The following NAPG variants were observed in gnomAD, a reference collection of about 807,000 sequenced individuals.
NAPG encodes gamma-soluble NSF attachment protein.
NAPG carries 25 observed loss-of-function variants against 48.4 expected under a neutral mutation model. That is an observed-to-expected ratio of 0.52 (90% CI 0.38 to 0.72). The LOEUF (loss-of-function observed/expected upper bound fraction) is 0.72. NAPG is among the 30% of genes least tolerant of loss of function. The pLI, the probability that NAPG is intolerant of heterozygous loss-of-function variation, is 0.00. For synonymous variants in NAPG, 139 were observed against 127.2 expected (o/e 1.09, Z -0.62); for missense variants, 359 against 372.5 (o/e 0.96, Z 0.30).
At chr18:10,540,212 A>G in intron 7 of NAPG, 117 bp from the exon 8 acceptor site, 1 of 1,050,256 alleles carries the variant, frequency 9.5e-7, no homozygotes, top group Non-Finnish European at 1.4e-6. Flanking sequence ...ATGAACTAGC[A>G]GCTTTCGTGT....
intron 11 of NAPG, 73 bp from the exon 12 acceptor site, chr18:10,550,004 C>T: frequency 7.0e-7 from 1 of 1,429,748 alleles, no homozygotes; most frequent in East Asian, 2.7e-5. Flanking sequence ...CAGGCTGTGT[C>T]TTTTTAGAGC....
intron 5 of NAPG, among the ~76,000 whole-genome samples, chr18:10,537,268 G>A (rs2032054509): frequency 6.6e-6 from 1 of 152,080 alleles, no homozygotes; most frequent in African/African-American, 2.4e-5. Flanking sequence ...CTGACTGGAA[G>A]TCTTATAAAT....
At position 10,533,643 on chromosome 18, in the gene NAPG, A is replaced by G. The variant is rs1176588197; in HGVS notation, c.227+90A>G. ...GGTTGGTAATTTTTTCCCAAATTATAAATTTTGTATTGATTTAAATAATAA... is the reference window on the plus strand; with the variant it reads ...GGTTGGTAATTTTTTCCCAAATTATGAATTTTGTATTGATTTAAATAATAA... On this transcript the variant is annotated intron_variant, in intron 4 of 11. Coordinates refer to ENST00000322897, the MANE Select transcript of NAPG (RefSeq NM_003826.3). The G allele has an allele frequency of 3.6e-6, 4 of 1,108,722 alleles. No homozygotes were observed. In the African/African-American group the frequency reaches 6.4e-5, roughly 18 times the overall value. 68.7% of individuals were successfully genotyped at this position (1,108,722 alleles called of 1,614,324 possible).
intron 3 of NAPG, 86 bp from the exon 4 acceptor site, chr18:10,533,450 A>G: frequency 1.6e-6 from 2 of 1,215,302 alleles, no homozygotes; most frequent in South Asian, 1.4e-5. Flanking sequence ...TCAGTGATTT[A>G]GTTAACTGTC....
chr18:10,531,626 G>GT (rs756701609), intron 2 of NAPG, among the ~76,000 whole-genome samples: 2 of 152,086 alleles, frequency 1.3e-5, no homozygotes, highest in Admixed American at 6.5e-5. Flanking sequence ...AGTAAATTCT[G>GT]TTTTTTTGCA....
intron 1 of NAPG, among the ~76,000 whole-genome samples, chr18:10,528,779 C>T (rs905404093): frequency 1.3e-5 from 2 of 151,308 alleles, no homozygotes; most frequent in Non-Finnish European, 2.9e-5. Context: ...GGAGGTGGGG[C>T]GGGGAGGTGT....
At chr18:10,549,755 A>G (rs541492281) in intron 11 of NAPG, among the ~76,000 whole-genome samples, 1 of 152,242 alleles carries the variant, frequency 6.6e-6, no homozygotes, top group Non-Finnish European at 1.5e-5. Flanking sequence ...AGATCAACTT[A>G]AGGCCTTCAG....
At chr18:10,541,975 A>G (rs1285105689) in intron 8 of NAPG, among the ~76,000 whole-genome samples, 3 of 152,252 alleles carry the variant, frequency 2.0e-5, no homozygotes, top group African/African-American at 4.8e-5. Flanking sequence ...CTGCCTGTGC[A>G]TATTCCTTTA....
rs1242414224 is a variant in NAPG at position 10,534,488 on chromosome 18, A to G, written c.250A>G (p.Met84Val). 2 of 1,613,166 alleles carry G rather than the reference A, an allele frequency of 1.2e-6. No individual in the cohort carries two copies. The highest frequency in any genetic ancestry group is 1.7e-5 in the Admixed American group (1 of 60,012). ...CAGAGCTTATGAGCAAGCTGGAATG[A>G]TGTTGAAGGTCAGTAATGTTATGTC... ...AAKAYEQAGMMLKEMQKLPEA... is the reference protein window; with the variant it reads ...AAKAYEQAGMVLKEMQKLPEA... The change falls in exon 5 of 12, where the codon ATG (methionine) becomes GTG (valine). Residue 84 changes from methionine (M) to valine (V), a missense_variant. By Grantham distance (21) the Met-to-Val change is conservative. Transcript: ENST00000322897. The surrounding 1 kb of genome is among the most constrained non-coding windows in gnomAD (Gnocchi z 5.0).
chr18:10,535,916 G>T (rs546966), intron 5 of NAPG, among the ~76,000 whole-genome samples: 48,718 of 152,056 alleles, frequency 0.32, 8,001 homozygotes, highest in East Asian at 0.43. Context: ...CAGTTCCTTT[G>T]AAACCATAGA....
intron 9 of NAPG, among the ~76,000 whole-genome samples, chr18:10,547,354 A>G (rs554856636): frequency 6.6e-6 from 1 of 152,326 alleles, no homozygotes; most frequent in African/African-American, 2.4e-5. Flanking sequence ...TTCACAGTAC[A>G]ATCCAGAATT....
At chr18:10,530,594 G>A (rs1299946010) in intron 1 of NAPG, among the ~76,000 whole-genome samples, 176 bp from the exon 2 acceptor site, 2 of 151,992 alleles carry the variant, frequency 1.3e-5, no homozygotes, top group East Asian at 3.9e-4. Context: ...GAGTGAAAGA[G>A]GTGAGGTTGT....
rs766873013 is a variant in NAPG at position 10,527,667 on chromosome 18, C to T, written c.56+1509C>T. Reference sequence around the variant, plus strand: ...CTTGAAAAATACGGAATGTTTTAGACGGAGGGAAAATCTTGTGAAAGAGAT... The same window carrying T: ...CTTGAAAAATACGGAATGTTTTAGATGGAGGGAAAATCTTGTGAAAGAGAT... On this transcript the variant is annotated intron_variant, in intron 1 of 11. Coordinates refer to ENST00000322897, the MANE Select transcript of NAPG (RefSeq NM_003826.3). Among the ~76,000 whole-genome samples, 17 of 152,148 alleles carry T rather than the reference C, an allele frequency of 1.1e-4. No individual in the cohort carries two copies. In the South Asian group the frequency reaches 2.1e-3, roughly 19 times the overall value.
In NAPG at chr18:10,534,608, G is replaced by T. The variant is rs1598409915; in HGVS notation, c.258+112G>T. The T allele has an allele frequency of 1.1e-6, 1 of 926,704 alleles. No homozygotes were observed. Among genetic ancestry groups the T allele is most frequent in the East Asian group, 2.4e-5 (1 of 40,886 alleles). 57.4% of individuals were successfully genotyped at this position (926,704 alleles called of 1,614,324 possible). On this transcript the variant is annotated intron_variant, in intron 5 of 11. Coordinates refer to ENST00000322897, the MANE Select transcript of NAPG (RefSeq NM_003826.3). This position sits in a 1 kb window ranked among gnomAD's most constrained non-coding sequence, Gnocchi z 5.0. ...GCTTCCTTACTGTAAGGCAAGAGGT[G>T]CTAAGTTAAGATTTTCTGTCCACGG...
chr18:10,549,007 G>C lies in NAPG; in HGVS notation c.706G>C (p.Glu236Gln), dbSNP rs1254783458. ...FNGSEDCAAL[E>Q]QLLEGYDQQD... ...TGGCAGTGAAGACTGTGCTGCCCTG[G>C]AACAGCTTCTTGAAGGTTATGACCA... The change falls in exon 11 of 12, where the codon GAA becomes CAA. Residue 236 changes from glutamate to glutamine, a missense_variant. Transcript: ENST00000322897. 5.0e-6 allele frequency: 8 copies of C among 1,613,908 alleles called. No individual in the cohort carries two copies. The highest frequency in any genetic ancestry group is 5.9e-6 in the Non-Finnish European group (7 of 1,179,816).
At position 10,542,912 on chromosome 18, in the gene NAPG, A is replaced by G. The variant is rs553280962; in HGVS notation, c.506+2513A>G. 6.6e-6 allele frequency among the ~76,000 whole-genome samples: 1 copy of G among 152,244 alleles called. No homozygotes were observed. The highest frequency in any genetic ancestry group is 6.5e-5 in the Admixed American group (1 of 15,290). ...GAAAAGGCCTTTCCAGGCTGGGTGCAGTGGCTCATGCCTGTAATCACAACA... is the reference window on the plus strand; with the variant it reads ...GAAAAGGCCTTTCCAGGCTGGGTGCGGTGGCTCATGCCTGTAATCACAACA... On this transcript the variant is annotated intron_variant, in intron 8 of 11. Coordinates refer to ENST00000322897, the MANE Select transcript of NAPG (RefSeq NM_003826.3). The surrounding 1 kb of genome is among the most constrained non-coding windows in gnomAD (Gnocchi z 4.5).
chr18:10,542,985 A>G lies in NAPG; in HGVS notation c.506+2586A>G, dbSNP rs766194444. 6.6e-6 allele frequency among the ~76,000 whole-genome samples: 1 copy of G among 152,052 alleles called. No individual in the cohort carries two copies. Among genetic ancestry groups the G allele is most frequent in the Non-Finnish European group, 1.5e-5 (1 of 68,016 alleles). On this transcript the variant is annotated intron_variant, in intron 8 of 11. Coordinates refer to ENST00000322897, the MANE Select transcript of NAPG (RefSeq NM_003826.3). This position sits in a 1 kb window ranked among gnomAD's most constrained non-coding sequence, Gnocchi z 4.5. ...GATCACCTGAGGTCAGAAGTTCAAG[A>G]TTAGCCTTGGCCAAATGGTGAAACT...
intron 2 of NAPG, among the ~76,000 whole-genome samples, chr18:10,531,177 C>A (rs951681619): frequency 1.3e-5 from 2 of 152,112 alleles, no homozygotes. Context: ...ATTATACTTT[C>A]TATTGAATTA....
chr18:10,527,187 CAA>C (rs775618160), intron 1 of NAPG, among the ~76,000 whole-genome samples: 5 of 105,524 alleles, frequency 4.7e-5, no homozygotes, highest in Non-Finnish European at 5.9e-5. Context: ...GACTCCGTCT[CAA>C]AAAAAAAAAA....
Sources: gnomAD v4.1 joint callset for allele counts (sites outside exome capture counted in the v4.1 genomes callset) on GRCh38, gnomAD v4.1.1 for gene constraint, Gnocchi (gnomAD v3.1) non-coding constraint, MANE v1.5 for transcripts, NCBI Gene and HGNC (gene_info 2026-07-23, HGNC 2026-07-21) for gene names.